The following ABCC3 variants were observed in gnomAD, a reference collection of about 807,000 sequenced individuals.
ABCC3 encodes the protein ATP-binding cassette sub-family C member 3.
In ABCC3, 121 loss-of-function variants were observed where a neutral mutation model predicts 165.3. That is an observed-to-expected ratio of 0.73 (90% confidence interval 0.63 to 0.85). The LOEUF (loss-of-function observed/expected upper bound fraction) is 0.85, where lower values mean the gene tolerates loss of function less well. Ranked by LOEUF, ABCC3 falls within the 40% of genes least tolerant of loss-of-function variation. The pLI is 0.00. For synonymous variants in ABCC3, 733 were observed against 810.1 expected (o/e 0.90, Z 1.62); for missense variants, 1,869 against 1,964.1 (o/e 0.95, Z 0.92).
In ABCC3 at chr17:50,669,987, C is replaced by T. The variant is rs140435910; in HGVS notation, c.2241+459C>T. Among the ~76,000 whole-genome samples, 478 of 152,004 alleles carry T rather than the reference C, an allele frequency of 3.1e-3. 3 individuals are homozygous for T. Among genetic ancestry groups the T allele is most frequent in the African/African-American group, 0.011 (454 of 41,454 alleles). ...AATTTTTAATTTTTTTTAGAGACAG[C>T]GTCTTGCCATGTCGCCCAGGCTGGC... On this transcript the variant is annotated intron_variant, in intron 17 of 30. Coordinates refer to ENST00000285238, the MANE Select transcript of ABCC3 (RefSeq NM_003786.4).
intron 23 of ABCC3, 88 bp from the exon 24 acceptor site, chr17:50,677,656 T>C: frequency 8.3e-6 from 11 of 1,318,328 alleles, no homozygotes; most frequent in East Asian, 2.3e-5. Context: ...CTGGGAGGAC[T>C]CATCTGAAAA....
chr17:50,638,870 G>T (rs1325830129), intron 1 of ABCC3, among the ~76,000 whole-genome samples: 1 of 150,552 alleles, frequency 6.6e-6, no homozygotes, highest in Non-Finnish European at 1.5e-5. Flanking sequence ...GCAGGGCTGA[G>T]GTGGGCTCTG....
In ABCC3 at chr17:50,667,692, C is replaced by G; in HGVS notation, c.1570C>G (p.Leu524Val). The stretch of plus-strand genomic sequence containing the variant: ...GGGCATCAGGCAGGGTGAGCTCCAG[C>G]TGCTGCGCACGGCGGCCTACCTCCA... ...VEGIRQGELQ[L>V]LRTAAYLHTT... Residue 524 changes from leucine (L) to valine (V), a missense_variant, in exon 12 of 31, where the codon CTG becomes GTG. By Grantham distance (32) the Leu-to-Val change is conservative (BLOSUM62 1). Transcript: ENST00000285238. 1.9e-6 allele frequency: 3 copies of G among 1,614,138 alleles called. No homozygotes were observed. The highest frequency in any genetic ancestry group is 2.5e-6 in the Non-Finnish European group (3 of 1,180,024).
intron 1 of ABCC3, among the ~76,000 whole-genome samples, chr17:50,645,753 C>T (rs1966992891): frequency 6.6e-6 from 1 of 152,148 alleles, no homozygotes; most frequent in South Asian, 2.1e-4. Context: ...GTGCCTGTCA[C>T]CAGACCAGGC....
In ABCC3 at chr17:50,656,698, G is replaced by C; in HGVS notation, c.223-4G>C. Reference sequence around the variant, plus strand: ...GCGGATTCCAACCTGTGCTCTCTTCGCAGGTCCTGGGTGTCCTGCTGTGGT... The same window carrying C: ...GCGGATTCCAACCTGTGCTCTCTTCCCAGGTCCTGGGTGTCCTGCTGTGGT... On this transcript the variant is annotated splice_region_variant and splice_polypyrimidine_tract_variant and intron_variant, in intron 2 of 30. Coordinates refer to ENST00000285238, the MANE Select transcript of ABCC3 (RefSeq NM_003786.4). The C allele has an allele frequency of 6.2e-7, 1 of 1,610,000 alleles. No individual in the cohort carries two copies. The highest frequency in any genetic ancestry group is 1.1e-5 in the South Asian group (1 of 90,398).
At chr17:50,670,197 C>T (rs546872528) in intron 17 of ABCC3, among the ~76,000 whole-genome samples, 16 of 152,122 alleles carry the variant, frequency 1.1e-4, no homozygotes, top group Non-Finnish European at 1.6e-4. Context: ...ATTCTCGTGT[C>T]TCAGCCACCC....
At chr17:50,663,561 G>A in intron 8 of ABCC3, 120 bp from the exon 9 acceptor site, 7 of 1,193,468 alleles carry the variant, frequency 5.9e-6, no homozygotes, top group Non-Finnish European at 8.3e-6. Flanking sequence ...AGGTTGGAGG[G>A]GGTGGAGGTT....
chr17:50,690,486 C>T (rs1485674291), intron 30 of ABCC3, among the ~76,000 whole-genome samples: 1 of 152,172 alleles, frequency 6.6e-6, no homozygotes, highest in Admixed American at 6.5e-5. Flanking sequence ...AGAGCCCCTT[C>T]CCCTCCTGCC....
chr17:50,655,959 A>C lies in ABCC3; in HGVS notation c.173A>C (p.His58Pro). 1 of 1,613,932 alleles carries C rather than the reference A, an allele frequency of 6.2e-7. No individual in the cohort carries two copies. Residue 58 changes from histidine (H) to proline (P), a missense_variant, in exon 2 of 31, where the codon CAC becomes CCC. Coordinates refer to ENST00000285238, the MANE Select transcript of ABCC3 (RefSeq NM_003786.4). ...ALPCYLLYLR[H>P]HCRGYIILSH... ...CCCTGCTACTTGCTCTACCTGCGGC[A>C]CCATTGTCGTGGCTACATCATCCTC...
intron 19 of ABCC3, among the ~76,000 whole-genome samples, chr17:50,674,948 C>T (rs369971798): frequency 1.3e-5 from 2 of 151,870 alleles, no homozygotes; most frequent in East Asian, 1.9e-4. Context: ...TATAGGTGCC[C>T]GCCACCACGC....
chr17:50,656,471 CTGAGAAT>C (rs1444338029), intron 2 of ABCC3, among the ~76,000 whole-genome samples: 1 of 152,250 alleles, frequency 6.6e-6, no homozygotes, highest in Non-Finnish European at 1.5e-5. Context: ...AATCTGACAA[CTGAGAAT>C]ATATACAGCC....
At chr17:50,684,948 G>C in intron 29 of ABCC3, 73 bp downstream of exon 29, 1 of 1,522,522 alleles carries the variant, frequency 6.6e-7, no homozygotes, top group African/African-American at 1.4e-5. Flanking sequence ...TGGGAAACCT[G>C]ACACCAATGA....
At chr17:50,673,294 C>T (rs760719506) in intron 18 of ABCC3, 156 bp downstream of exon 18, 15 of 1,215,794 alleles carry the variant, frequency 1.2e-5, no homozygotes, top group Non-Finnish European at 1.7e-5. Context: ...GTGGGGACAA[C>T]TCCCCCACCT....
chr17:50,653,897 G>C (rs1967168401), intron 1 of ABCC3, among the ~76,000 whole-genome samples: 1 of 152,180 alleles, frequency 6.6e-6, no homozygotes, highest in African/African-American at 2.4e-5. Context: ...ATCTGGACAG[G>C]TCTAAGCACT....
Position 50,669,958 on chromosome 17 carries a change from G to C in ABCC3, c.2241+430G>C, listed in dbSNP as rs1220989756. ...CCACAGGCACATGCCACCATACCCA[G>C]CTAAATTTTTAATTTTTTTTAGAGA... is the stretch of plus-strand genomic sequence containing the variant. On this transcript the variant is annotated intron_variant, in intron 17 of 30. Transcript: ENST00000285238. Among the ~76,000 whole-genome samples, 3 of 151,972 alleles carry C rather than the reference G, an allele frequency of 2.0e-5. No homozygotes were observed. The East Asian group carries it at 5.8e-4, about 29-fold the overall frequency.
intron 1 of ABCC3, among the ~76,000 whole-genome samples, chr17:50,643,016 C>T (rs1966920499): frequency 6.6e-6 from 1 of 152,230 alleles, no homozygotes; most frequent in Non-Finnish European, 1.5e-5. Flanking sequence ...GAGACAACAT[C>T]CAGATAACAA....
intron 1 of ABCC3, among the ~76,000 whole-genome samples, chr17:50,641,449 C>T (rs1966889816): frequency 6.6e-6 from 1 of 152,216 alleles, no homozygotes; most frequent in Admixed American, 6.5e-5. Flanking sequence ...GCCCTGTCCT[C>T]ACCTTCATTT....
intron 17 of ABCC3, among the ~76,000 whole-genome samples, chr17:50,670,501 G>A (rs766436122): frequency 9.2e-5 from 14 of 152,160 alleles, no homozygotes; most frequent in Non-Finnish European, 1.9e-4. Context: ...ATAGTATACA[G>A]TAGTGAATAC....
intron 30 of ABCC3, 88 bp downstream of exon 30, chr17:50,687,818 C>T (rs1968051014): frequency 7.4e-6 from 10 of 1,354,282 alleles, no homozygotes; most frequent in Non-Finnish European, 7.3e-6. Flanking sequence ...GTTATCTGAA[C>T]AAGGCAATGT....
Sources: allele counts gnomAD v4.1 joint callset (sites outside exome capture counted in the v4.1 genomes callset), GRCh38; gene constraint gnomAD v4.1.1; transcripts MANE v1.5; gene names NCBI Gene and HGNC (gene_info 2026-07-23, HGNC 2026-07-21).